Variants in MXRA7 observed in about 807,000 individuals in gnomAD.
The protein encoded by MXRA7 is matrix-remodeling-associated protein 7.
Under a neutral mutation model 17.4 loss-of-function variants are expected in MXRA7, and 18 were observed. The observed-to-expected ratio is 1.03, with a 90% confidence interval of 0.71 to 1.53. The LOEUF (loss-of-function observed/expected upper bound fraction) is 1.53, where lower values mean the gene tolerates loss of function less well. MXRA7 is among the 40% of genes most tolerant of loss of function. The pLI is 0.00. For synonymous variants in MXRA7, 70 were observed against 101.7 expected (o/e 0.69, Z 1.87); for missense variants, 141 against 209.3 (o/e 0.67, Z 2.01).
At chr17:76,708,345 G>A (rs1173748260) in intron 1 of MXRA7, among the ~76,000 whole-genome samples, 1 of 152,204 alleles carries the variant, frequency 6.6e-6, no homozygotes, top group Non-Finnish European at 1.5e-5. Flanking sequence ...GCTCCCCAGG[G>A]CAGTGACTTC....
chr17:76,706,143 ACTGCCGTCACAGAGGCCCACG>A (rs1555645165), intron 1 of MXRA7, among the ~76,000 whole-genome samples: 2 of 54,252 alleles, frequency 3.7e-5, no homozygotes, highest in African/African-American at 1.4e-4. Flanking sequence ...AAAGGACCAC[ACTGCCGTCACAGAGGCCCACG>A]CTGCCGTCAC....
chr17:76,708,000 C>T (rs1441427902), intron 1 of MXRA7, among the ~76,000 whole-genome samples: 2 of 152,214 alleles, frequency 1.3e-5, no homozygotes, highest in Admixed American at 6.5e-5. Context: ...GCCTCCCTGC[C>T]CTGGCCTGTG....
At chr17:76,695,786 G>A (rs1472396978) in intron 1 of MXRA7, among the ~76,000 whole-genome samples, 1 of 152,126 alleles carries the variant, frequency 6.6e-6, no homozygotes, top group Non-Finnish European at 1.5e-5. Context: ...GGGTGGGTGT[G>A]ACACAGTCAG....
At chr17:76,694,269 C>T (rs557533495) in intron 1 of MXRA7, among the ~76,000 whole-genome samples, 17 of 152,076 alleles carry the variant, frequency 1.1e-4, no homozygotes, top group Non-Finnish European at 1.9e-4. Context: ...GCCTGAGAAC[C>T]GCTCCATTCC....
downstream of MXRA7, chr17:76,677,827 A>T: frequency 1.5e-6 from 1 of 657,590 alleles, no homozygotes; most frequent in Non-Finnish European, 2.7e-6. Flanking sequence ...TGCTTTTCAG[A>T]ACAAGAAGAA....
intron 1 of MXRA7, among the ~76,000 whole-genome samples, chr17:76,695,843 A>T (rs1469377114): frequency 1.3e-5 from 2 of 152,214 alleles, no homozygotes; most frequent in Non-Finnish European, 2.9e-5. Context: ...CTGTAATCCC[A>T]GCACTTTGGG....
chr17:76,677,855 C>G (rs1169698639), downstream of MXRA7, among the ~76,000 whole-genome samples: 1 of 152,206 alleles, frequency 6.6e-6, no homozygotes, highest in African/African-American at 2.4e-5. Flanking sequence ...ATAAAACCCA[C>G]TTAGAACATC....
intron 1 of MXRA7, among the ~76,000 whole-genome samples, chr17:76,701,367 G>A (rs2076589569): frequency 6.6e-6 from 1 of 151,900 alleles, no homozygotes; most frequent in South Asian, 2.1e-4. Context: ...CGGGGGGGTG[G>A]ATCCGGGATG....
downstream of MXRA7, chr17:76,677,285 C>T (rs2076247870): frequency 6.2e-6 from 1 of 161,490 alleles, no homozygotes; most frequent in Non-Finnish European, 1.1e-5. Context: ...GAGTGAGACT[C>T]CATCTCAAAC....
chr17:76,693,398 G>A (rs2076497717), intron 1 of MXRA7, among the ~76,000 whole-genome samples: 1 of 148,254 alleles, frequency 6.7e-6, no homozygotes, highest in African/African-American at 2.5e-5. Context: ...CTGGGAGGCG[G>A]AAGTTGCAAT....
chr17:76,701,184 G>C (rs953050246), intron 1 of MXRA7, among the ~76,000 whole-genome samples: 1 of 152,000 alleles, frequency 6.6e-6, no homozygotes, highest in African/African-American at 2.4e-5. Flanking sequence ...CCAGTGAGGA[G>C]GTCACTGAAC....
chr17:76,698,365 G>A (rs184805296), intron 1 of MXRA7, among the ~76,000 whole-genome samples: 70 of 152,170 alleles, frequency 4.6e-4, no homozygotes, highest in African/African-American at 1.7e-3. Context: ...GCAATGGGCG[G>A]GGGGGGAGCA....
intron 1 of MXRA7, chr17:76,688,567 G>A (rs946970051): frequency 1.6e-6 from 2 of 1,260,662 alleles, no homozygotes; most frequent in Non-Finnish European, 2.0e-6. Context: ...CTGGGACCAG[G>A]GCCAGGCAGC....
intron 3 of MXRA7, chr17:76,683,745 G>A (rs1423125071): frequency 1.3e-6 from 1 of 774,852 alleles, no homozygotes; most frequent in Admixed American, 2.0e-5. Flanking sequence ...CGGTTATGAA[G>A]GCGATGGAGG....
In MXRA7 at chr17:76,710,601, G is replaced by C. The variant is rs1271873844; in HGVS notation, c.342+4C>G. On this transcript the variant is annotated splice_donor_region_variant and intron_variant, in intron 1 of 3. Coordinates refer to ENST00000449428, the MANE Select transcript of MXRA7 (RefSeq NM_198530.4). ...GAGGGGGCCGCGAGGGCCCCGGTGC[G>C]TACCTGCCTCGCCTCCACCGCCTGC... The C allele has an allele frequency of 2.2e-6, 3 of 1,371,962 alleles. No homozygotes were observed. The highest frequency in any genetic ancestry group is 2.8e-6 in the Non-Finnish European group (3 of 1,058,468). The allele number at this position is 1,371,962 out of a possible 1,614,324, so 85.0% of individuals were successfully genotyped here. A position where few individuals can be genotyped will look rare whatever the true frequency, so the allele number is the denominator to read the frequency against.
rs2076709291 is a variant in MXRA7, at chr17:76,710,595, C to T, written c.342+10G>A. The T allele has an allele frequency of 3.0e-6, 4 of 1,346,858 alleles. No homozygotes were observed. The East Asian group carries it at 1.3e-4, about 44-fold the overall frequency. The allele number at this position is 1,346,858 out of a possible 1,614,324, so 83.4% of individuals were successfully genotyped here. ...GGTGGGGAGGGGGCCGCGAGGGCCC[C>T]GGTGCGTACCTGCCTCGCCTCCACC... On this transcript the variant is annotated intron_variant, in intron 1 of 3. Coordinates refer to ENST00000449428, the MANE Select transcript of MXRA7 (RefSeq NM_198530.4).
intron 1 of MXRA7, among the ~76,000 whole-genome samples, chr17:76,703,476 C>G (rs1159832611): frequency 6.6e-6 from 1 of 151,892 alleles, no homozygotes; most frequent in Admixed American, 6.6e-5. Context: ...AAAACTTATC[C>G]AGGCATAGTG....
At chr17:76,679,183 G>A (rs947661278), downstream of MXRA7, among the ~76,000 whole-genome samples, 2 of 151,832 alleles carry the variant, frequency 1.3e-5, no homozygotes, top group Admixed American at 1.3e-4. Context: ...AGCTACCTGG[G>A]AGGCTGAGAC....
rs10459886 is a variant in MXRA7, at chr17:76,701,094, G to T, written c.342+9511C>A. Reference sequence around the variant, plus strand: ...GGAGGGCTGTGAGCAGGGGCCGGGGGGTGTGCTCTCTGCGCTAGGAAGGTC... The same window carrying T: ...GGAGGGCTGTGAGCAGGGGCCGGGGTGTGTGCTCTCTGCGCTAGGAAGGTC... On this transcript the variant is annotated intron_variant, in intron 1 of 3. Transcript: ENST00000449428. Among the ~76,000 whole-genome samples, 147 of 152,182 alleles carry T rather than the reference G, an allele frequency of 9.7e-4. 2 individuals carry two copies. In the East Asian group the frequency reaches 0.026, roughly 27 times the overall value.
Sources: gnomAD v4.1 joint callset for allele counts (sites outside exome capture counted in the v4.1 genomes callset) on GRCh38, gnomAD v4.1.1 for gene constraint, MANE v1.5 for transcripts, NCBI Gene and HGNC (gene_info 2026-07-23, HGNC 2026-07-21) for gene names.